The following SMARCD1 variants were observed in gnomAD, a reference collection of about 807,000 sequenced individuals.
SMARCD1 encodes SWI/SNF related BAF chromatin remodeling complex subunit D1, also known as SWI/SNF-related matrix-associated actin-dependent regulator of chromatin subfamily D member 1.
SMARCD1 carries 16 observed loss-of-function variants against 70.8 expected under a neutral mutation model. The observed-to-expected ratio is 0.23, with a 90% CI of 0.15 to 0.34. SMARCD1 has a LOEUF of 0.34. Ranked by LOEUF, SMARCD1 falls within the 10% of genes least tolerant of loss-of-function variation. The pLI, the probability that SMARCD1 is intolerant of heterozygous loss-of-function variation, is 1.00. For synonymous variants in SMARCD1, 249 were observed against 246.0 expected, an observed-to-expected ratio of 1.01 and a Z score of -0.11; for missense variants, 409 against 655.5, an observed-to-expected ratio of 0.62 and a Z score of 4.11.
chr12:50,091,481 G>A (rs1348318583), intron 9 of SMARCD1, among the ~76,000 whole-genome samples: 1 of 151,334 alleles, frequency 6.6e-6, no homozygotes, highest in Non-Finnish European at 1.5e-5. Flanking sequence ...CTCCATGTTG[G>A]TCAGGCTGGT....
At chr12:50,086,553 GCTGACAGCT>G (rs1465446379) in intron 2 of SMARCD1, 59 bp from the exon 3 acceptor site, 2 of 1,496,306 alleles carry the variant, frequency 1.3e-6, no homozygotes, top group Non-Finnish European at 1.9e-6. Context: ...AAATGGACGT[GCTGACAGCT>G]TATTTTCACG....
At chr12:50,098,589 A>T (rs1950912588) in intron 11 of SMARCD1, 125 bp from the exon 12 acceptor site, 2 of 695,552 alleles carry the variant, frequency 2.9e-6, no homozygotes, top group African/African-American at 3.5e-5. Flanking sequence ...ATTCACAGGT[A>T]CTAGGGGTTG....
chr12:50,095,630 A>T (rs1040988470), intron 10 of SMARCD1, among the ~76,000 whole-genome samples: 1 of 152,098 alleles, frequency 6.6e-6, no homozygotes, highest in African/African-American at 2.4e-5. Flanking sequence ...CCCGGCCCCA[A>T]CTAAATCTTG....
intron 9 of SMARCD1, among the ~76,000 whole-genome samples, chr12:50,092,815 T>C (rs1485525912): frequency 6.6e-6 from 1 of 152,042 alleles, no homozygotes; most frequent in East Asian, 1.9e-4. Flanking sequence ...GGTGGGTAGA[T>C]CACTTGAGTC....
rs1169078422 is a variant in SMARCD1, at chr12:50,100,382, A to G, written c.*1382A>G. On this transcript the variant is annotated 3_prime_UTR_variant, in exon 13 of 13. Coordinates refer to ENST00000394963, the MANE Select transcript of SMARCD1 (RefSeq NM_003076.5). ...ACCCCCAAATCCCTCCCTGTTCTAC[A>G]CTGGGGACAGCAGAATTTTCTCCCC... 1 of 132,594 alleles carries G rather than the reference A, an allele frequency of 7.5e-6. No homozygotes were observed. Among genetic ancestry groups the G allele is most frequent in the Non-Finnish European group, 1.5e-5 (1 of 65,038 alleles). 8.2% of individuals were successfully genotyped at this position (132,594 alleles called of 1,614,324 possible). A position where few individuals can be genotyped will look rare whatever the true frequency, so the allele number is the denominator to read the frequency against.
At chr12:50,089,862 C>T (rs1950825188) in intron 6 of SMARCD1, 22 bp from the exon 7 acceptor site, 2 of 1,584,690 alleles carry the variant, frequency 1.3e-6, no homozygotes, top group Non-Finnish European at 1.7e-6. Flanking sequence ...GAGAGCACCC[C>T]CTGACATCTT....
chr12:50,092,347 C>T (rs1181200047), intron 9 of SMARCD1, among the ~76,000 whole-genome samples: 2 of 149,220 alleles, frequency 1.3e-5, no homozygotes, highest in African/African-American at 4.9e-5. Context: ...CCTCAGCCTC[C>T]CAAGTAGTTG....
chr12:50,096,073 T>C (rs938150939), intron 10 of SMARCD1, among the ~76,000 whole-genome samples: 3 of 152,128 alleles, frequency 2.0e-5, no homozygotes, highest in African/African-American at 7.2e-5. Flanking sequence ...GCTGGTGCAG[T>C]AATCCATGTG....
chr12:50,088,455 T>C, intron 5 of SMARCD1, 66 bp from the exon 6 acceptor site: 1 of 868,380 alleles, frequency 1.2e-6, no homozygotes, highest in Non-Finnish European at 1.9e-6. Context: ...TCCTTTTTCA[T>C]AGGATTTTGT....
rs142943074 is a variant in SMARCD1, at chr12:50,094,623, T to G, written c.1269+51T>G. ...GGGTACCACCAGCCCCTATCACAGC[T>G]TCAAGGCCTCCTTTTGATTCTTAGT... On this transcript the variant is annotated intron_variant, in intron 10 of 12. Coordinates refer to ENST00000394963, the MANE Select transcript of SMARCD1 (RefSeq NM_003076.5). 870 of 1,560,144 alleles carry G rather than the reference T, an allele frequency of 5.6e-4. 1 individual carries two copies. The African/African-American group carries it at 0.011, about 19-fold the overall frequency.
chr12:50,088,565 C>A lies in SMARCD1; in HGVS notation c.699C>A (p.Phe233Leu). Residue 233 changes from phenylalanine (F) to leucine (L), a missense_variant, in exon 6 of 13, where the codon TTC becomes TTA. Physicochemically the swap from Phe to Leu is conservative, Grantham distance 22. Coordinates refer to ENST00000394963, the MANE Select transcript of SMARCD1 (RefSeq NM_003076.5). The stretch of plus-strand genomic sequence containing the variant: ...ATGCCACTAAACAAAAGAGGAAGTT[C>A]TCTTCCTTTTTTAAGTCCTTGGTGA... The part of the protein sequence containing the change: ...KYDATKQKRK[F>L]SSFFKSLVIE... 1.2e-6 allele frequency: 2 copies of A among 1,610,552 alleles called. No homozygotes were observed. The highest frequency in any genetic ancestry group is 1.1e-5 in the South Asian group (1 of 90,698).
chr12:50,094,664 G>A (rs1024810303), intron 10 of SMARCD1, 92 bp downstream of exon 10: 179 of 1,248,716 alleles, frequency 1.4e-4, no homozygotes, highest in Middle Eastern at 6.1e-4. Flanking sequence ...TTCAAAATAC[G>A]GTGACACCCA....
intron 5 of SMARCD1, among the ~76,000 whole-genome samples, chr12:50,088,044 AG>A (rs1178473923): frequency 6.6e-6 from 1 of 152,152 alleles, no homozygotes; most frequent in African/African-American, 2.4e-5. Flanking sequence ...AGCTGCTCGC[AG>A]GCAAGCTAGT....
Position 50,098,784 on chromosome 12 carries a change from A to G in SMARCD1, c.1463A>G (p.Gln488Arg), listed in dbSNP as rs1592295899. The G allele has an allele frequency of 5.0e-6, 8 of 1,614,000 alleles. No homozygotes were observed. The highest frequency in any genetic ancestry group is 5.9e-6 in the Non-Finnish European group (7 of 1,179,970). The change falls in exon 12 of 13, where the codon CAG (glutamine) becomes CGG (arginine). Residue 488 changes from glutamine to arginine, a missense_variant. By Grantham distance (43) the Gln-to-Arg change is conservative. This residue lies in a region of SMARCD1 where 269 missense variants were observed against 498.6 expected (regional missense o/e 0.54). Coordinates refer to ENST00000394963, the MANE Select transcript of SMARCD1 (RefSeq NM_003076.5). ...GAGTTCTACTTCCAGCCCTGGGCTC[A>G]GGAGGCTGTGTGCCGATACTTCTAC... ...RAEFYFQPWA[Q>R]EAVCRYFYSK... is the part of the protein sequence containing the mutation.
chr12:50,089,849 T>A, intron 6 of SMARCD1, 35 bp from the exon 7 acceptor site: 15 of 1,373,640 alleles, frequency 1.1e-5, no homozygotes, highest in Non-Finnish European at 1.6e-5. Flanking sequence ...GCTCTTCCTC[T>A]GGGAGAGCAC....
intron 9 of SMARCD1, among the ~76,000 whole-genome samples, chr12:50,094,055 A>T (rs141924710): frequency 6.6e-6 from 1 of 152,180 alleles, no homozygotes; most frequent in Non-Finnish European, 1.5e-5. Flanking sequence ...CTGGCTGCCA[A>T]ATATTTTTTT....
chr12:50,099,209 C>G lies in SMARCD1; in HGVS notation c.*209C>G, dbSNP rs1950918685. On this transcript the variant is annotated 3_prime_UTR_variant, in exon 13 of 13. Coordinates refer to ENST00000394963, the MANE Select transcript of SMARCD1 (RefSeq NM_003076.5). The stretch of plus-strand genomic sequence containing the variant: ...TTCCCACCCCCAGCTTCCCTTTGCC[C>G]CACAAAGTTCCCATGTGCCTGTACC... The G allele has an allele frequency of 8.1e-6, 5 of 618,920 alleles. No individual in the cohort carries two copies. In the Admixed American group the frequency reaches 8.3e-5, roughly 10 times the overall value. The allele number at this position is 618,920 out of a possible 1,614,324, so 38.3% of individuals were successfully genotyped here.
At chr12:50,092,308 C>T (rs1161407904) in intron 9 of SMARCD1, among the ~76,000 whole-genome samples, 1 of 140,600 alleles carries the variant, frequency 7.1e-6, no homozygotes, top group Non-Finnish European at 1.5e-5. Context: ...ACTGCAACCT[C>T]TGCCTCCTGG....
intron 1 of SMARCD1, 189 bp from the exon 2 acceptor site, chr12:50,085,972 T>A (rs1950785007): frequency 2.4e-6 from 1 of 422,262 alleles, no homozygotes; most frequent in Non-Finnish European, 4.1e-6. Flanking sequence ...ATAATCTGGC[T>A]CTCGCTTAGC....
Sources: gnomAD v4.1 joint callset for allele counts (sites outside exome capture counted in the v4.1 genomes callset) on GRCh38, gnomAD v4.1.1 for gene constraint, gnomAD v4.1.1 regional missense constraint, MANE v1.5 for transcripts, NCBI Gene and HGNC (gene_info 2026-07-23, HGNC 2026-07-21) for gene names.